Variants in LSAMP observed in about 807,000 individuals in gnomAD.
LSAMP encodes the protein limbic system-associated membrane protein.
Under a neutral mutation model 38.6 loss-of-function variants are expected in LSAMP, and 7 were observed. That is an observed-to-expected ratio of 0.18 (90% CI 0.10 to 0.34). The LOEUF is 0.34. Among genes scored for constraint, LSAMP ranks in the 10% least tolerant of loss-of-function variants. The pLI is 1.00. For missense variants in LSAMP, 313 were observed against 420.0 expected (o/e 0.75, Z 2.23); for synonymous variants, 154 against 166.8 (o/e 0.92, Z 0.59).
At chr3:115,992,184 T>C (rs531217499) in intron 3 of LSAMP, among the ~76,000 whole-genome samples, 8 of 152,158 alleles carry the variant, frequency 5.3e-5, no homozygotes, top group African/African-American at 1.9e-4. Flanking sequence ...AGATGAGATG[T>C]CCCCAGCCCC....
chr3:116,256,803 G>GAA (rs2046757047), intron 1 of LSAMP, among the ~76,000 whole-genome samples: 1 of 60,874 alleles, frequency 1.6e-5, no homozygotes, highest in East Asian at 5.2e-4. Context: ...GTGAGGAGGA[G>GAA]AGAGGATGAA....
At chr3:116,249,567 G>T (rs1283931329) in intron 1 of LSAMP, among the ~76,000 whole-genome samples, 1 of 151,000 alleles carries the variant, frequency 6.6e-6, no homozygotes, top group Non-Finnish European at 1.5e-5. Context: ...TGTATTTTTG[G>T]TGGAGTGGGG....
intron 3 of LSAMP, among the ~76,000 whole-genome samples, chr3:115,890,976 G>T (rs1936583792): frequency 6.6e-6 from 1 of 151,954 alleles, no homozygotes; most frequent in African/African-American, 2.4e-5. Flanking sequence ...ATGGGAAAAA[G>T]TTTGTGGGAG....
intron 1 of LSAMP, among the ~76,000 whole-genome samples, chr3:116,155,238 T>G (rs367917916): frequency 1.2e-4 from 18 of 152,114 alleles, no homozygotes; most frequent in East Asian, 3.9e-4. Flanking sequence ...GTTTTGTTTT[T>G]TTTGAGACAG....
intron 1 of LSAMP, among the ~76,000 whole-genome samples, chr3:116,140,566 T>C (rs914449318): frequency 3.3e-5 from 5 of 151,956 alleles, no homozygotes; most frequent in Non-Finnish European, 5.9e-5. Flanking sequence ...AAAACTAACA[T>C]TCAGTAATCC....
At chr3:115,885,843 A>G (rs983289259) in intron 3 of LSAMP, among the ~76,000 whole-genome samples, 12 of 151,786 alleles carry the variant, frequency 7.9e-5, no homozygotes, top group South Asian at 6.2e-4. Flanking sequence ...GGAGAGCCTG[A>G]AAAAAAACCA....
chr3:116,099,134 A>G (rs998388098), intron 1 of LSAMP, among the ~76,000 whole-genome samples: 2 of 152,226 alleles, frequency 1.3e-5, no homozygotes, highest in Admixed American at 1.3e-4. Flanking sequence ...TTCACAGCCA[A>G]TCTGAATTAA....
At chr3:115,971,686 T>A (rs1028880955) in intron 3 of LSAMP, among the ~76,000 whole-genome samples, 1 of 152,188 alleles carries the variant, frequency 6.6e-6, no homozygotes, top group Non-Finnish European at 1.5e-5. Context: ...AGCCATTAAC[T>A]ATTGATAAGG....
intron 1 of LSAMP, among the ~76,000 whole-genome samples, chr3:116,249,304 C>T (rs916268247): frequency 6.6e-6 from 1 of 152,030 alleles, no homozygotes; most frequent in Non-Finnish European, 1.5e-5. Flanking sequence ...TTTCCACTTC[C>T]ATGCCAAGAT....
At chr3:116,156,929 T>C (rs1709763857) in intron 1 of LSAMP, among the ~76,000 whole-genome samples, 1 of 152,144 alleles carries the variant, frequency 6.6e-6, no homozygotes, top group Non-Finnish European at 1.5e-5. Context: ...GACCTGTGGA[T>C]AGATGCTTCC....
At chr3:116,272,556 T>TCTTGA in intron 1 of LSAMP, among the ~76,000 whole-genome samples, 1 of 152,306 alleles carries the variant, frequency 6.6e-6, no homozygotes, top group Non-Finnish European at 1.5e-5. Flanking sequence ...ATCTAATTCG[T>TCTTGA]CTTGACTATT....
chr3:116,273,807 CTT>C (rs2047011176), intron 1 of LSAMP, among the ~76,000 whole-genome samples: 3 of 141,154 alleles, frequency 2.1e-5, no homozygotes. Flanking sequence ...TTCTCTTTTT[CTT>C]TCTTTCTCTC....
At chr3:116,388,229 T>C (rs536181802) in intron 1 of LSAMP, among the ~76,000 whole-genome samples, 1 of 152,278 alleles carries the variant, frequency 6.6e-6, no homozygotes, top group South Asian at 2.1e-4. Context: ...AGGAAGTCAT[T>C]AGCAATATGC....
intron 2 of LSAMP, among the ~76,000 whole-genome samples, chr3:116,076,415 G>A (rs1707744682): frequency 6.6e-6 from 1 of 151,856 alleles, no homozygotes; most frequent in Admixed American, 6.6e-5. Flanking sequence ...CCGCCACCAC[G>A]CCCAGCTAAT....
intron 1 of LSAMP, among the ~76,000 whole-genome samples, chr3:116,253,890 A>G (rs2046718021): frequency 6.6e-6 from 1 of 152,282 alleles, no homozygotes; most frequent in South Asian, 2.1e-4. Flanking sequence ...CCAAATAACC[A>G]TAGCATTTTA....
chr3:115,895,376 C>T (rs1292398106), intron 3 of LSAMP, among the ~76,000 whole-genome samples: 1 of 152,030 alleles, frequency 6.6e-6, no homozygotes, highest in Non-Finnish European at 1.5e-5. Flanking sequence ...CAGTTGACTC[C>T]TAGCAAGTTT....
rs141812662 is a variant in LSAMP, at chr3:116,156,415, CAATTA to C, written c.156-69864_156-69860del. Among the ~76,000 whole-genome samples, 454 of 152,146 alleles carry C rather than the reference CAATTA, an allele frequency of 3.0e-3. 3 individuals are homozygous for C. Among genetic ancestry groups the C allele is most frequent in the African/African-American group, 9.9e-3 (410 of 41,522 alleles). On this transcript the variant is annotated intron_variant, in intron 1 of 6. Transcript: ENST00000490035. ...AACACTTATTGATACATATAACCAA[CAATTA>C]AATTAACAAAACACATATTTGGGAT... is the stretch of plus-strand genomic sequence containing the variant.
At chr3:116,131,030 G>A (rs193094791) in intron 1 of LSAMP, among the ~76,000 whole-genome samples, 15 of 130,912 alleles carry the variant, frequency 1.1e-4, no homozygotes, top group East Asian at 8.7e-4. Flanking sequence ...TTGATCTGTC[G>A]CCCAGGCTGG....
intron 1 of LSAMP, among the ~76,000 whole-genome samples, chr3:116,390,234 T>C (rs2048675287): frequency 6.6e-6 from 1 of 152,034 alleles, no homozygotes. Flanking sequence ...GATCTAGGAT[T>C]TTCAAAGATA....
Sources: allele counts gnomAD v4.1 joint callset (sites outside exome capture counted in the v4.1 genomes callset), GRCh38; gene constraint gnomAD v4.1.1; transcripts MANE v1.5; gene names NCBI Gene and HGNC (gene_info 2026-07-23, HGNC 2026-07-21).